NRXN2: variants seen among roughly 807,000 people sequenced by gnomAD.
NRXN2 encodes neurexin-2-beta.
In NRXN2, 29 loss-of-function variants were observed where a neutral mutation model predicts 128.8. The ratio of observed to expected loss-of-function variants is 0.23; its 90% CI spans 0.17 to 0.31. The LOEUF (loss-of-function observed/expected upper bound fraction) is 0.31. Among genes scored for constraint, NRXN2 ranks in the 10% least tolerant of loss-of-function variants. The pLI is 1.00. For synonymous variants in NRXN2, 1,098 were observed against 1,075.2 expected, an observed-to-expected ratio of 1.02 and a Z score of -0.41; for missense variants, 1,881 against 2,452.6, an observed-to-expected ratio of 0.77 and a Z score of 4.92.
chr11:64,686,302 G>A (rs959355431), intron 5 of NRXN2, among the ~76,000 whole-genome samples: 16 of 152,080 alleles, frequency 1.1e-4, no homozygotes, highest in Admixed American at 3.3e-4. Context: ...CTTAACAAAG[G>A]GACATAGAAG....
intron 1 of NRXN2, among the ~76,000 whole-genome samples, chr11:64,719,862 G>A (rs748826161): frequency 7.2e-5 from 11 of 152,190 alleles, no homozygotes; most frequent in Admixed American, 2.6e-4. Context: ...ACAGGTGTGT[G>A]CGCGTGTGTG....
chr11:64,646,823 C>A (rs1209762024), intron 17 of NRXN2, among the ~76,000 whole-genome samples: 1 of 152,050 alleles, frequency 6.6e-6, no homozygotes, highest in African/African-American at 2.4e-5. Flanking sequence ...GGCTGGAACA[C>A]CCTCAGCTGG....
At position 64,706,729 on chromosome 11, in the gene NRXN2, C is replaced by A. The variant is rs565762494; in HGVS notation, c.730+6241G>T. ...TCCATGCCTTTGCTCATATCAGCTC[C>A]TTTGCTTCAAACGACTTCCCCCAAC... On this transcript the variant is annotated intron_variant, in intron 2 of 22. Transcript: ENST00000265459. 8.5e-5 allele frequency among the ~76,000 whole-genome samples: 13 copies of A among 152,248 alleles called. No individual in the cohort carries two copies. In the South Asian group the frequency reaches 2.7e-3, roughly 32 times the overall value.
intron 3 of NRXN2, among the ~76,000 whole-genome samples, chr11:64,696,567 G>C (rs2054577087): frequency 9.3e-6 from 1 of 107,272 alleles, no homozygotes; most frequent in Non-Finnish European, 2.1e-5. Flanking sequence ...ACACACACCT[G>C]CCTGCTGGGC....
At chr11:64,680,776 C>T (rs558152642) in intron 6 of NRXN2, among the ~76,000 whole-genome samples, 1 of 152,162 alleles carries the variant, frequency 6.6e-6, no homozygotes, top group East Asian at 1.9e-4. Context: ...AGAGGAAGGA[C>T]CAGGAGAGGT....
chr11:64,642,265 C>T (rs748477951), intron 17 of NRXN2, among the ~76,000 whole-genome samples: 2 of 151,846 alleles, frequency 1.3e-5, no homozygotes, highest in Non-Finnish European at 2.9e-5. Flanking sequence ...GATAATGAAC[C>T]AGACCTAGGG....
At chr11:64,687,471 G>A (rs1214290145) in intron 5 of NRXN2, among the ~76,000 whole-genome samples, 3 of 152,238 alleles carry the variant, frequency 2.0e-5, no homozygotes, top group African/African-American at 4.8e-5. Context: ...AGCACTCACT[G>A]CAGCTGGCAA....
rs777930867 is a variant in NRXN2, at chr11:64,607,477, G to A, written c.4858C>T (p.Arg1620Trp). 96 of 1,605,992 alleles carry A rather than the reference G, an allele frequency of 6.0e-5. No individual in the cohort carries two copies. Among genetic ancestry groups the A allele is most frequent in the Middle Eastern group, 3.3e-4 (2 of 6,072 alleles). Residue 1620 changes from arginine (R) to tryptophan (W), a missense_variant, in exon 23 of 23, where the codon CGG becomes TGG. Physicochemically the swap from Arg to Trp is moderately radical, Grantham distance 101. This residue lies in a region of NRXN2 where 310 missense variants were observed against 318.2 expected (regional missense o/e 0.97). Transcript: ENST00000265459. ...ACCTCCACTGCGCCCGGCGGGCCCC[G>A]CTCCCCAGGCCCTGTGGGGTTGGCT... ...PTANPTGPGE[R>W]GPPGAVEVIR...
chr11:64,660,505 A>T lies in NRXN2; in HGVS notation c.2216T>A (p.Met739Lys). The T allele has an allele frequency of 1.9e-6, 3 of 1,614,230 alleles. No individual in the cohort carries two copies. Among genetic ancestry groups the T allele is most frequent in the Non-Finnish European group, 2.5e-6 (3 of 1,180,034 alleles). ...GTTAGGCAGCATGATCTTCATGTAC[A>T]TGGAGCCATCGTAGCTCAGGACCGT... Reference protein sequence around the residue: ...EATVLSYDGSMYMKIMLPNAM... With the variant: ...EATVLSYDGSKYMKIMLPNAM... The change falls in exon 11 of 23, where the codon ATG (methionine) becomes AAG (lysine). Residue 739 changes from methionine (M) to lysine (K), a missense_variant. By Grantham distance (95) the Met-to-Lys change is moderately conservative (BLOSUM62 -1). This residue lies in a region of NRXN2 where 997 missense variants were observed against 1,240.8 expected (regional missense o/e 0.80). Coordinates refer to ENST00000265459, the MANE Select transcript of NRXN2 (RefSeq NM_015080.4). This position sits in a 1 kb window ranked among gnomAD's most constrained non-coding sequence, Gnocchi z 5.2.
At chr11:64,715,746 C>G (rs2135682796) in intron 1 of NRXN2, among the ~76,000 whole-genome samples, 1 of 152,306 alleles carries the variant, frequency 6.6e-6, no homozygotes, top group Non-Finnish European at 1.5e-5. Flanking sequence ...AGGACTGCCT[C>G]TGCCCGGGCA....
chr11:64,672,870 T>C (rs928985890), intron 7 of NRXN2, among the ~76,000 whole-genome samples: 3 of 152,156 alleles, frequency 2.0e-5, no homozygotes, highest in African/African-American at 7.2e-5. Flanking sequence ...GGCACAGCCC[T>C]GTCATGAATC....
intron 12 of NRXN2, 140 bp downstream of exon 12, chr11:64,653,556 C>A: frequency 1.2e-6 from 1 of 840,748 alleles, no homozygotes; most frequent in Admixed American, 2.0e-5. Context: ...CCTGCCTGCA[C>A]CCCTCCCCAC....
rs778924747 is a variant in NRXN2, at chr11:64,607,899, G to A, written c.4436C>T (p.Ala1479Val). 6.4e-7 allele frequency: 1 copy of A among 1,568,860 alleles called. No individual in the cohort carries two copies. Residue 1479 changes from alanine (A) to valine (V), a missense_variant, in exon 23 of 23, where the codon GCC becomes GTC. Around this residue, in one of 7 missense-constraint regions of NRXN2, gnomAD observed 310 missense variants for 318.2 expected, o/e 0.97. Coordinates refer to ENST00000265459, the MANE Select transcript of NRXN2 (RefSeq NM_015080.4). The part of the protein sequence containing the change: ...RRPPSGGPCQ[A>V]ERDDSDCEEP... ...CTCGCAGTCGCTGTCGTCCCGCTCGGCCTGGCACGGGCCCCCAGAGGGCGG... is the reference window on the plus strand; with the variant it reads ...CTCGCAGTCGCTGTCGTCCCGCTCGACCTGGCACGGGCCCCCAGAGGGCGG...
Position 64,607,093 on chromosome 11 carries a change from A to T in NRXN2, c.*103T>A, listed in dbSNP as rs1168787206. 3 of 1,251,496 alleles carry T rather than the reference A, an allele frequency of 2.4e-6. No individual in the cohort carries two copies. In the African/African-American group the frequency reaches 4.5e-5, roughly 19 times the overall value. 77.5% of individuals were successfully genotyped at this position (1,251,496 alleles called of 1,614,324 possible). ...CCTCTTCGTAAGAGAAGCCTGAGGC[A>T]GCCAGGGAGAGGGTCCCCAGGCCCC... On this transcript the variant is annotated 3_prime_UTR_variant, in exon 23 of 23. Transcript: ENST00000265459.
chr11:64,699,875 G>A (rs1322362562), intron 2 of NRXN2, among the ~76,000 whole-genome samples: 1 of 152,150 alleles, frequency 6.6e-6, no homozygotes, highest in Admixed American at 6.5e-5. Context: ...TGTCTCACCA[G>A]CACCTGTGCA....
chr11:64,607,122 C>T lies in NRXN2; in HGVS notation c.*74G>A, dbSNP rs532504526. 5 of 1,499,284 alleles carry T rather than the reference C, an allele frequency of 3.3e-6. No homozygotes were observed. The East Asian group carries it at 1.2e-4, about 35-fold the overall frequency. 92.9% of individuals were successfully genotyped at this position (1,499,284 alleles called of 1,614,324 possible). A position where few individuals can be genotyped will look rare whatever the true frequency, so the allele number is the denominator to read the frequency against. Reference sequence around the variant, plus strand: ...AGGGAGAGGGTCCCCAGGCCCCTGGCAGGGAGAGGGTGGCACCCTCCTCCC... The same window carrying T: ...AGGGAGAGGGTCCCCAGGCCCCTGGTAGGGAGAGGGTGGCACCCTCCTCCC... On this transcript the variant is annotated 3_prime_UTR_variant, in exon 23 of 23. Coordinates refer to ENST00000265459, the MANE Select transcript of NRXN2 (RefSeq NM_015080.4).
chr11:64,611,868 C>T lies in NRXN2; in HGVS notation c.4253-3786G>A, dbSNP rs569372911. Among the ~76,000 whole-genome samples the T allele has an allele frequency of 3.9e-5, 6 of 152,168 alleles. No homozygotes were observed. In the East Asian group the frequency reaches 5.8e-4, roughly 15 times the overall value. On this transcript the variant is annotated intron_variant, in intron 22 of 22. Coordinates refer to ENST00000265459, the MANE Select transcript of NRXN2 (RefSeq NM_015080.4). ...TTCTCTGCCCAAGGCTTTGACTGTA[C>T]GATCTCCTGAGGTGTCCTCCCCTCA...
intron 17 of NRXN2, among the ~76,000 whole-genome samples, chr11:64,647,288 C>A (rs1041888576): frequency 2.0e-5 from 3 of 151,658 alleles, no homozygotes; most frequent in Non-Finnish European, 4.4e-5. Flanking sequence ...GTTGACTTTT[C>A]TGCTTGGTCT....
chr11:64,668,750 C>G, intron 7 of NRXN2, 146 bp from the exon 8 acceptor site: 1 of 833,290 alleles, frequency 1.2e-6, no homozygotes, highest in Non-Finnish European at 2.0e-6. Context: ...GGAGGAGGAA[C>G]AGTGGGGGAA....
Sources: gnomAD v4.1 joint callset for allele counts (sites outside exome capture counted in the v4.1 genomes callset) on GRCh38, gnomAD v4.1.1 for gene constraint, gnomAD v4.1.1 regional missense constraint, Gnocchi (gnomAD v3.1) non-coding constraint, MANE v1.5 for transcripts, NCBI Gene and HGNC (gene_info 2026-07-23, HGNC 2026-07-21) for gene names.